FYCO1: variants seen among roughly 807,000 people sequenced by gnomAD.
FYCO1 encodes the protein FYVE and coiled-coil domain-containing protein 1.
FYCO1 carries 122 observed loss-of-function variants against 165.1 expected under a neutral mutation model. That is an observed-to-expected ratio of 0.74 (90% CI 0.64 to 0.86). The LOEUF is 0.86. Ranked by LOEUF, FYCO1 falls within the 40% of genes least tolerant of loss-of-function variation. The pLI is 0.00. For missense variants in FYCO1, 1,702 were observed against 1,810.3 expected (o/e 0.94, Z 1.09); for synonymous variants, 648 against 742.5 (o/e 0.87, Z 2.07).
chr3:45,921,962 C>T, intron 17 of FYCO1, 122 bp from the exon 18 acceptor site: 1 of 720,972 alleles, frequency 1.4e-6, no homozygotes, highest in East Asian at 2.7e-5. Context: ...GTGCTGGAGC[C>T]CCATGCCCCA....
intron 1 of FYCO1, among the ~76,000 whole-genome samples, chr3:45,987,276 A>T (rs1707357727): frequency 6.6e-6 from 1 of 152,214 alleles, no homozygotes; most frequent in Admixed American, 6.5e-5. Context: ...ATGGGGGGCA[A>T]TTCTGTTTAC....
chr3:45,940,584 C>A (rs1704165542), intron 14 of FYCO1, among the ~76,000 whole-genome samples: 2 of 152,204 alleles, frequency 1.3e-5, no homozygotes, highest in South Asian at 4.1e-4. Context: ...AACATAAACC[C>A]TGGAACCATG....
chr3:45,931,627 G>T (rs1477764473), intron 15 of FYCO1, among the ~76,000 whole-genome samples: 1 of 152,216 alleles, frequency 6.6e-6, no homozygotes, highest in African/African-American at 2.4e-5. Flanking sequence ...AGCAAGTGCC[G>T]AGGCACAGCT....
At chr3:45,961,485 C>T (rs937341013) in intron 11 of FYCO1, among the ~76,000 whole-genome samples, 1 of 150,572 alleles carries the variant, frequency 6.6e-6, no homozygotes, top group Non-Finnish European at 1.5e-5. Context: ...GGCTGAGGCA[C>T]AAGAATCGCT....
intron 14 of FYCO1, chr3:45,938,174 A>G (rs1418669002): frequency 3.9e-6 from 5 of 1,279,000 alleles, no homozygotes; most frequent in Non-Finnish European, 5.1e-6. Context: ...GACCACAGTG[A>G]TGACAGACAA....
chr3:45,985,904 T>C (rs1707292440), intron 1 of FYCO1, among the ~76,000 whole-genome samples: 1 of 152,212 alleles, frequency 6.6e-6, no homozygotes, highest in African/African-American at 2.4e-5. Flanking sequence ...CCCTTAGATA[T>C]CCAGTGCAAG....
chr3:45,983,314 C>T (rs182205406), intron 2 of FYCO1, among the ~76,000 whole-genome samples: 2 of 152,206 alleles, frequency 1.3e-5, no homozygotes, highest in African/African-American at 2.4e-5. Context: ...GTGTACCACA[C>T]AAAGATGCCT....
At position 45,954,912 on chromosome 3, in the gene FYCO1, T is replaced by C. The variant is rs147644872; in HGVS notation, c.3944+337A>G. On this transcript the variant is annotated intron_variant, in intron 14 of 17. Coordinates refer to ENST00000296137, the MANE Select transcript of FYCO1 (RefSeq NM_024513.4). Reference sequence around the variant, plus strand: ...ACCTTGCACTTCCAGCCTCCAGAGCTGTGAGAAGGTAAATTTCTGTTATTT... The same window carrying C: ...ACCTTGCACTTCCAGCCTCCAGAGCCGTGAGAAGGTAAATTTCTGTTATTT... Among the ~76,000 whole-genome samples, 263 of 152,294 alleles carry C rather than the reference T, an allele frequency of 1.7e-3. 1 individual carries two copies. The highest frequency in any genetic ancestry group is 6.0e-3 in the African/African-American group (251 of 41,554).
At chr3:45,994,783 C>T (rs1413290111) in intron 1 of FYCO1, among the ~76,000 whole-genome samples, 23 of 152,194 alleles carry the variant, frequency 1.5e-4, no homozygotes, top group Admixed American at 2.6e-4. Context: ...GGATCCTCTG[C>T]CCCGCAAAAG....
intron 5 of FYCO1, among the ~76,000 whole-genome samples, chr3:45,973,732 G>T (rs1239832727): frequency 6.6e-6 from 1 of 152,184 alleles, no homozygotes; most frequent in Admixed American, 6.5e-5. Context: ...TGAGGTAGTG[G>T]TTGTTTCATT....
chr3:45,966,924 C>T lies in FYCO1; in HGVS notation c.2410G>A (p.Asp804Asn), dbSNP rs1268871781. ...DLQAKMRAAL[D>N]DQDKVQSQLS... ...TGGCTCTGCACCTTGTCCTGGTCAT[C>T]CAGGGCTGCCCGCATCTTGGCCTGG... Residue 804 changes from aspartate (D) to asparagine (N), a missense_variant, in exon 8 of 18, where the codon GAT (aspartate) becomes AAT (asparagine). By Grantham distance (23) the Asp-to-Asn change is conservative. Transcript: ENST00000296137. The T allele has an allele frequency of 2.5e-6, 4 of 1,613,788 alleles. No individual in the cohort carries two copies. The South Asian group carries it at 4.4e-5, about 18-fold the overall frequency.
Position 45,967,410 on chromosome 3 carries a change from G to A in FYCO1, c.1924C>T (p.Leu642=), listed in dbSNP as rs749004382. 64 of 1,612,870 alleles carry A rather than the reference G, an allele frequency of 4.0e-5. No homozygotes were observed. The highest frequency in any genetic ancestry group is 8.0e-5 in the African/African-American group (6 of 74,930). ...TGCAAAGCCTGGTAATCGGCCTGCA[G>A]GGCTTGCAGCTTGCCCTCCAGGAGC... ...NQLLEGKLQA[L]QADYQALQQR... Residue 642 remains leucine (L), a synonymous_variant, in exon 8 of 18, where the codon CTG becomes TTG. Transcript: ENST00000296137.
Position 45,936,519 on chromosome 3 carries a change from C to T in FYCO1, c.3969G>A (p.Thr1323=), listed in dbSNP as rs757351709. 11 of 1,613,210 alleles carry T rather than the reference C, an allele frequency of 6.8e-6. No homozygotes were observed. Among genetic ancestry groups the T allele is most frequent in the Admixed American group, 6.7e-5 (4 of 60,004 alleles). Residue 1323 remains threonine (T), a synonymous_variant, in exon 15 of 18, where the codon ACG becomes ACA. Coordinates refer to ENST00000296137, the MANE Select transcript of FYCO1 (RefSeq NM_024513.4). ...AEQDTTSTSL[T]PEDTEDMPVG... ...CGGGCATGTCTTCAGTGTCCTCAGGCGTTAGCGAGGTTGATGTAGTATCCC... is the reference window on the plus strand; with the variant it reads ...CGGGCATGTCTTCAGTGTCCTCAGGTGTTAGCGAGGTTGATGTAGTATCCC...
chr3:45,978,984 G>A (rs1432586501), intron 4 of FYCO1, among the ~76,000 whole-genome samples: 3 of 151,680 alleles, frequency 2.0e-5, no homozygotes, highest in Non-Finnish European at 2.9e-5. Context: ...AGCCTCCCGC[G>A]TAGCTGGGAC....
chr3:45,966,153 G>A, intron 8 of FYCO1, 124 bp downstream of exon 8: 1 of 964,248 alleles, frequency 1.0e-6, no homozygotes. Flanking sequence ...CAAGGTGTTT[G>A]CCTGCACCCA....
At position 45,973,168 on chromosome 3, in the gene FYCO1, T is replaced by G; in HGVS notation, c.459A>C (p.Gln153His). The stretch of plus-strand genomic sequence containing the variant: ...ACTGAACCTCAGTCAGCTCATAGAG[T>G]TGGCCCACAATGTCCGAGCTCAGCT... ...QPKLSSDIVG[Q>H]LYELTEVQFD... Residue 153 changes from glutamine (Q) to histidine (H), a missense_variant, in exon 6 of 18, where the codon CAA (glutamine) becomes CAC (histidine). Gln to His is a conservative substitution (Grantham distance 24, BLOSUM62 0). Coordinates refer to ENST00000296137, the MANE Select transcript of FYCO1 (RefSeq NM_024513.4). 2 of 1,614,198 alleles carry G rather than the reference T, an allele frequency of 1.2e-6. No individual in the cohort carries two copies. Among genetic ancestry groups the G allele is most frequent in the Non-Finnish European group, 1.7e-6 (2 of 1,180,032 alleles).
intron 3 of FYCO1, 80 bp from the exon 4 acceptor site, chr3:45,979,910 A>C: frequency 3.2e-6 from 5 of 1,545,372 alleles, no homozygotes; most frequent in Non-Finnish European, 3.6e-6. Context: ...AATAATAACA[A>C]TAGCTTCTTA....
rs1706086153 is a variant in FYCO1, at chr3:45,967,073, T to C, written c.2261A>G (p.Gln754Arg). 6.2e-7 allele frequency: 1 copy of C among 1,613,836 alleles called. No homozygotes were observed. The highest frequency in any genetic ancestry group is 8.5e-7 in the Non-Finnish European group (1 of 1,179,962). The change falls in exon 8 of 18, where the codon CAG (glutamine) becomes CGG (arginine). Residue 754 changes from glutamine to arginine, a missense_variant. Coordinates refer to ENST00000296137, the MANE Select transcript of FYCO1 (RefSeq NM_024513.4). ...ATTGTCAGTGGGTGGGCCAACTCCCTGTTGGCCTTTCTCTGCTGTGAGGAC... is the reference window on the plus strand; with the variant it reads ...ATTGTCAGTGGGTGGGCCAACTCCCCGTTGGCCTTTCTCTGCTGTGAGGAC... ...IEVLTAEKGQQGVGPPTDNEA... is the reference protein window; with the variant it reads ...IEVLTAEKGQRGVGPPTDNEA...
chr3:45,990,777 A>T (rs2125881447), intron 1 of FYCO1, among the ~76,000 whole-genome samples: 1 of 152,272 alleles, frequency 6.6e-6, no homozygotes, highest in Non-Finnish European at 1.5e-5. Flanking sequence ...TGGCAACAAG[A>T]GCACTTTTTT....
Sources: allele counts gnomAD v4.1 joint callset (sites outside exome capture counted in the v4.1 genomes callset), GRCh38; gene constraint gnomAD v4.1.1; transcripts MANE v1.5; gene names NCBI Gene and HGNC (gene_info 2026-07-23, HGNC 2026-07-21).